The following CACNA1E variants were observed in gnomAD, a reference collection of about 807,000 sequenced individuals.
The protein encoded by CACNA1E is calcium voltage-gated channel subunit alpha1 E.
Under a neutral mutation model 259.2 loss-of-function variants are expected in CACNA1E, and 40 were observed. The ratio of observed to expected loss-of-function variants is 0.15; its 90% CI spans 0.12 to 0.20. The LOEUF (loss-of-function observed/expected upper bound fraction) is 0.20. Ranked by LOEUF, CACNA1E falls within the 10% of genes least tolerant of loss-of-function variation. The pLI, the probability that CACNA1E is intolerant of heterozygous loss-of-function variation, is 1.00. For missense variants in CACNA1E, 1,874 were observed against 3,040.1 expected (o/e 0.62, Z 9.02); for synonymous variants, 1,104 against 1,138.5 (o/e 0.97, Z 0.61).
rs557884792 is a variant in CACNA1E, at chr1:181,559,892, C to T, written c.513-17874C>T. On this transcript the variant is annotated intron_variant, in intron 3 of 47. Coordinates refer to ENST00000367573, the MANE Select transcript of CACNA1E (RefSeq NM_001205293.3). Reference sequence around the variant, plus strand: ...GGGGTCATCACAGAGCTGCTGAAGGCGTGGGATGCAGAGCATCGACATTCT... The same window carrying T: ...GGGGTCATCACAGAGCTGCTGAAGGTGTGGGATGCAGAGCATCGACATTCT... Among the ~76,000 whole-genome samples the T allele has an allele frequency of 9.9e-5, 15 of 152,230 alleles. No individual in the cohort carries two copies. The South Asian group carries it at 1.0e-3, about 11-fold the overall frequency.
At chr1:181,557,033 G>C (rs1648800816) in intron 3 of CACNA1E, among the ~76,000 whole-genome samples, 1 of 152,186 alleles carries the variant, frequency 6.6e-6, no homozygotes, top group African/African-American at 2.4e-5. Flanking sequence ...ATGGGTCTCT[G>C]TCTCCTTGGC....
intron 1 of CACNA1E, among the ~76,000 whole-genome samples, chr1:181,336,993 C>G (rs1217532285): frequency 6.8e-6 from 1 of 147,810 alleles, no homozygotes; most frequent in African/African-American, 2.5e-5. Context: ...ATTTATATAT[C>G]TATATTTATT....
At chr1:181,384,277 A>G (rs1655677098) in intron 1 of CACNA1E, among the ~76,000 whole-genome samples, 1 of 152,156 alleles carries the variant, frequency 6.6e-6, no homozygotes, top group Non-Finnish European at 1.5e-5. Context: ...ATTCACCTAT[A>G]CTAAAAATTC....
intron 39 of CACNA1E, among the ~76,000 whole-genome samples, chr1:181,782,692 C>A (rs1660524174): frequency 6.6e-6 from 1 of 152,112 alleles, no homozygotes; most frequent in South Asian, 2.1e-4. Flanking sequence ...ATTGTATGGC[C>A]CCAGATAGCA....
chr1:181,702,188 T>C (rs1359627101), intron 7 of CACNA1E, among the ~76,000 whole-genome samples: 1 of 152,104 alleles, frequency 6.6e-6, no homozygotes, highest in Admixed American at 6.5e-5. Context: ...TCCATCCTGG[T>C]TTGTTTAACT....
chr1:181,779,368 C>T, intron 38 of CACNA1E: 1 of 343,076 alleles, frequency 2.9e-6, no homozygotes, highest in Non-Finnish European at 6.2e-6. Flanking sequence ...CAGCCATCCT[C>T]TTCATGGCTA....
At chr1:181,482,177 G>GTGTTC (rs1259039498), upstream of CACNA1E, among the ~76,000 whole-genome samples, 2 of 152,226 alleles carry the variant, frequency 1.3e-5, no homozygotes, top group African/African-American at 4.8e-5. Context: ...ATGCCTGGCC[G>GTGTTC]TGTTCGTGGA....
intron 25 of CACNA1E, among the ~76,000 whole-genome samples, chr1:181,742,921 A>AT (rs1006032202): frequency 1.3e-5 from 2 of 152,138 alleles, no homozygotes; most frequent in Non-Finnish European, 1.5e-5. Context: ...AGGGAAGGGG[A>AT]TTTTTTCATT....
chr1:181,720,538 G>A (rs568489899), intron 14 of CACNA1E, among the ~76,000 whole-genome samples: 9 of 152,218 alleles, frequency 5.9e-5, no homozygotes, highest in East Asian at 1.9e-4. Flanking sequence ...TTCTCATTCC[G>A]GGGACCCATC....
chr1:181,592,112 A>AGC (rs1558161645), intron 6 of CACNA1E, among the ~76,000 whole-genome samples: 23 of 152,274 alleles, frequency 1.5e-4, no homozygotes, highest in African/African-American at 5.5e-4. Flanking sequence ...TCCCTGAGAA[A>AGC]TTCAAAAGAG....
chr1:181,424,704 A>G (rs1367739393), intron 2 of CACNA1E, among the ~76,000 whole-genome samples: 1 of 152,174 alleles, frequency 6.6e-6, no homozygotes, highest in African/African-American at 2.4e-5. Context: ...TCTTTTCCAG[A>G]GCACAGTGCT....
intron 25 of CACNA1E, among the ~76,000 whole-genome samples, chr1:181,750,247 A>T (rs76132030): frequency 6.6e-6 from 1 of 152,256 alleles, no homozygotes. Context: ...GACAGTGGCA[A>T]TGGAGCAAAT....
In CACNA1E at chr1:181,757,927, T is replaced by A; in HGVS notation, c.4330-20T>A. The A allele has an allele frequency of 6.2e-7, 1 of 1,612,332 alleles. No homozygotes were observed. Among genetic ancestry groups the A allele is most frequent in the Non-Finnish European group, 8.5e-7 (1 of 1,179,096 alleles). On this transcript the variant is annotated intron_variant, in intron 30 of 47. Transcript: ENST00000367573. ...TCTAGGGGATTTGAATTTGTGCTAATAACCATGACTTTCTTGCAGAGGGCG... is the reference window on the plus strand; with the variant it reads ...TCTAGGGGATTTGAATTTGTGCTAAAAACCATGACTTTCTTGCAGAGGGCG...
At position 181,453,960 on chromosome 1, in the gene CACNA1E, T is replaced by C. The variant is rs529917891; in HGVS notation, c.435-29784T>C. Among the ~76,000 whole-genome samples the C allele has an allele frequency of 2.0e-5, 3 of 152,358 alleles. No homozygotes were observed. In the South Asian group the frequency reaches 6.2e-4, roughly 32 times the overall value. ...AGAGACTGGGTATAGGTTACTGCTCTCTTTCTCACTTTACTGTGTTGGTTG... is the reference window on the plus strand; with the variant it reads ...AGAGACTGGGTATAGGTTACTGCTCCCTTTCTCACTTTACTGTGTTGGTTG... On this transcript the variant is annotated intron_variant, in intron 2 of 11. Coordinates refer to the CACNA1E transcript ENST00000524607.
At chr1:181,399,951 G>A (rs1656972702) in intron 1 of CACNA1E, among the ~76,000 whole-genome samples, 1 of 152,192 alleles carries the variant, frequency 6.6e-6, no homozygotes, top group Admixed American at 6.5e-5. Context: ...AAAATTACAG[G>A]TGAGGCCCTA....
In CACNA1E at chr1:181,410,525, C is replaced by T. The variant is rs113582619; in HGVS notation, c.-14-2608C>T. 1.4e-3 allele frequency among the ~76,000 whole-genome samples: 212 copies of T among 152,260 alleles called. 1 individual carries two copies. The highest frequency in any genetic ancestry group is 6.8e-3 in the Middle Eastern group (2 of 294). ...GGTATCTTAGGGCTCCAGGGGCGTCCGAGTCTACTGAATGCTCCCATCAGG... is the reference window on the plus strand; with the variant it reads ...GGTATCTTAGGGCTCCAGGGGCGTCTGAGTCTACTGAATGCTCCCATCAGG... On this transcript the variant is annotated intron_variant, in intron 1 of 11. Transcript: ENST00000524607.
rs1665001571 is a variant in CACNA1E, at chr1:181,498,809, C to T, written c.267-11668C>T. Among the ~76,000 whole-genome samples the T allele has an allele frequency of 3.9e-5, 6 of 152,274 alleles. No homozygotes were observed. The South Asian group carries it at 1.2e-3, about 32-fold the overall frequency. ...ACATTTTCTCTTCTTTCCTCTGTACCCTTTCTGTGCTCAACCATCTTCTCT... is the reference window on the plus strand; with the variant it reads ...ACATTTTCTCTTCTTTCCTCTGTACTCTTTCTGTGCTCAACCATCTTCTCT... On this transcript the variant is annotated intron_variant, in intron 1 of 47. Transcript: ENST00000367573.
intron 25 of CACNA1E, 102 bp downstream of exon 25, chr1:181,739,355 C>A (rs2102593826): frequency 1.2e-6 from 1 of 817,876 alleles, no homozygotes; most frequent in South Asian, 1.5e-5. Context: ...AGGGTGATGC[C>A]AAAGAATGCC....
At chr1:181,550,635 T>A (rs1408322500) in intron 3 of CACNA1E, among the ~76,000 whole-genome samples, 1 of 152,122 alleles carries the variant, frequency 6.6e-6, no homozygotes. Flanking sequence ...GGTTACCAGG[T>A]TCAAATGTGA....
Sources: allele counts gnomAD v4.1 joint callset (sites outside exome capture counted in the v4.1 genomes callset), GRCh38; gene constraint gnomAD v4.1.1; transcripts MANE v1.5; gene names NCBI Gene and HGNC (gene_info 2026-07-23, HGNC 2026-07-21).